Variants in SMAD7 observed in about 807,000 individuals in gnomAD.
SMAD7 encodes SMAD family member 7, also known as MAD (mothers against decapentaplegic, Drosophila) homolog 7.
SMAD7 carries 8 observed loss-of-function variants against 38.7 expected under a neutral mutation model. The observed-to-expected ratio is 0.21, with a 90% CI of 0.12 to 0.37. The LOEUF (loss-of-function observed/expected upper bound fraction) is 0.37, where lower values mean the gene tolerates loss of function less well. SMAD7 is among the 10% of genes least tolerant of loss of function. The probability of loss-of-function intolerance (pLI) is 1.00; values close to 1 mark genes in which losing one functional copy is unlikely to be tolerated. For synonymous variants in SMAD7, 327 were observed against 265.1 expected (o/e 1.23, Z -2.27); for missense variants, 477 against 577.9 (o/e 0.83, Z 1.79).
At chr18:48,946,431 G>GGGGGC in intron 2 of SMAD7, among the ~76,000 whole-genome samples, 1 of 95,978 alleles carries the variant, frequency 1.0e-5, no homozygotes, top group Middle Eastern at 4.4e-3. Flanking sequence ...TGAGGGGGGC[G>GGGGGC]GGGGGGGTGT....
chr18:48,935,719 C>A (rs559090657), intron 3 of SMAD7, among the ~76,000 whole-genome samples: 1 of 152,304 alleles, frequency 6.6e-6, no homozygotes, highest in Admixed American at 6.5e-5. Flanking sequence ...TCTCTCATTT[C>A]TGGAACCCAC....
chr18:48,947,531 C>T (rs77623437), intron 2 of SMAD7, among the ~76,000 whole-genome samples: 16,071 of 152,228 alleles, frequency 0.11, 1,029 homozygotes, highest in South Asian at 0.17. Context: ...GGCACAAAAA[C>T]CAAGGTTACA....
rs764363126 is a variant in SMAD7, at chr18:48,921,790, T to A, written c.863A>T (p.Tyr288Phe). The A allele has an allele frequency of 1.9e-5, 31 of 1,614,056 alleles. No individual in the cohort carries two copies. The South Asian group carries it at 3.4e-4, about 18-fold the overall frequency. Residue 288 changes from tyrosine to phenylalanine, a missense_variant, in exon 4 of 4, where the codon TAT becomes TTT. Around this residue, in one of 2 missense-constraint regions of SMAD7, gnomAD observed 101 missense variants for 198.5 expected, o/e 0.51. Transcript: ENST00000262158. This position sits in a 1 kb window ranked among gnomAD's most constrained non-coding sequence, Gnocchi z 6.4. ...AAAGCCATTCCCCTGAGGTAGATCA[T>A]AGAAGATATCCAGAGAGGGCTCCTG... ...CVQEPSLDIF[Y>F]DLPQGNGFCL...
At chr18:48,926,173 C>T (rs1185533056) in intron 3 of SMAD7, among the ~76,000 whole-genome samples, 1 of 152,212 alleles carries the variant, frequency 6.6e-6, no homozygotes, top group African/African-American at 2.4e-5. Flanking sequence ...GGCAGAGAGG[C>T]AGAGCAGCTC....
Position 48,949,796 on chromosome 18 carries a change from G to A in SMAD7, c.613+16C>T. 1 of 1,585,308 alleles carries A rather than the reference G, an allele frequency of 6.3e-7. No homozygotes were observed. The highest frequency in any genetic ancestry group is 2.3e-5 in the East Asian group (1 of 43,286). On this transcript the variant is annotated intron_variant, in intron 1 of 3. Coordinates refer to ENST00000262158, the MANE Select transcript of SMAD7 (RefSeq NM_005904.4). ...GCGCTCCGGAAAATGTTGGGGGTAG[G>A]GGGACAACTTCTCACCTAGTTCGCA...
chr18:48,945,988 C>T (rs1371676965), intron 2 of SMAD7, among the ~76,000 whole-genome samples: 2 of 152,202 alleles, frequency 1.3e-5, no homozygotes, highest in Admixed American at 1.3e-4. Context: ...GGTTGGACCA[C>T]ACAGTACCTA....
At chr18:48,932,975 C>A (rs191891818) in intron 3 of SMAD7, among the ~76,000 whole-genome samples, 1 of 152,114 alleles carries the variant, frequency 6.6e-6, no homozygotes, top group East Asian at 1.9e-4. Flanking sequence ...AGGAGCCTGG[C>A]GCTAGGCTGG....
chr18:48,944,508 T>A lies in SMAD7; in HGVS notation c.668-1953A>T, dbSNP rs377538148. 3.0e-4 allele frequency among the ~76,000 whole-genome samples: 46 copies of A among 152,334 alleles called. No individual in the cohort carries two copies. In the South Asian group the frequency reaches 9.3e-3, roughly 31 times the overall value. ...TAATTAAGCCTCCCTACCACCCCTG[T>A]GAAGAAGCAAAGTATACCTGTTCCA... is the stretch of plus-strand genomic sequence containing the variant. On this transcript the variant is annotated intron_variant, in intron 2 of 3. Coordinates refer to ENST00000262158, the MANE Select transcript of SMAD7 (RefSeq NM_005904.4).
intron 2 of SMAD7, among the ~76,000 whole-genome samples, chr18:48,948,088 A>C (rs1475803121): frequency 6.6e-6 from 1 of 152,222 alleles, no homozygotes; most frequent in African/African-American, 2.4e-5. Context: ...TTTGGTTCCC[A>C]AGACACTTCT....
Position 48,939,476 on chromosome 18 carries a change from C to T in SMAD7, c.742+3005G>A, listed in dbSNP as rs758683770. On this transcript the variant is annotated intron_variant, in intron 3 of 3. Coordinates refer to ENST00000262158, the MANE Select transcript of SMAD7 (RefSeq NM_005904.4). ...CCTACCCGCCCACTCCCCTTCCTCCCGGGCAGTTTGCAAGGGCGCAGGAAA... is the reference window on the plus strand; with the variant it reads ...CCTACCCGCCCACTCCCCTTCCTCCTGGGCAGTTTGCAAGGGCGCAGGAAA... 3.2e-4 allele frequency among the ~76,000 whole-genome samples: 48 copies of T among 151,808 alleles called. No individual in the cohort carries two copies. In the Middle Eastern group the frequency reaches 0.01, roughly 32 times the overall value.
intron 3 of SMAD7, among the ~76,000 whole-genome samples, chr18:48,940,008 G>A (rs2070118843): frequency 6.6e-6 from 1 of 152,096 alleles, no homozygotes; most frequent in Admixed American, 6.5e-5. Flanking sequence ...TCTCTGCCCT[G>A]GACAGGGGCC....
At chr18:48,929,127 T>A (rs914511600) in intron 3 of SMAD7, among the ~76,000 whole-genome samples, 6 of 152,176 alleles carry the variant, frequency 3.9e-5, no homozygotes, top group African/African-American at 1.4e-4. Flanking sequence ...CTGTTTAGTG[T>A]GCATGCAGTC....
Position 48,932,797 on chromosome 18 carries a change from A to G in SMAD7, c.742+9684T>C, listed in dbSNP as rs181587349. On this transcript the variant is annotated intron_variant, in intron 3 of 3. Transcript: ENST00000262158. ...CCCTCAGATTTAAAATTAAAAAGCA[A>G]GAATTTCCTTCATCCCCCAGATGGT... 2.6e-5 allele frequency among the ~76,000 whole-genome samples: 4 copies of G among 152,354 alleles called. No homozygotes were observed. The East Asian group carries it at 7.7e-4, about 29-fold the overall frequency.
Position 48,921,228 on chromosome 18 carries a change from GAGA to G in SMAD7, c.*141_*143del, listed in dbSNP as rs1043200023. ...AACAAAACAGAACACAAACGAGGAC[GAGA>G]AGAAGAAAACCAACCAACAAACAAA... On this transcript the variant is annotated 3_prime_UTR_variant, in exon 4 of 4. Transcript: ENST00000262158. This position sits in a 1 kb window ranked among gnomAD's most constrained non-coding sequence, Gnocchi z 6.4. 30 of 681,762 alleles carry G rather than the reference GAGA, an allele frequency of 4.4e-5. No homozygotes were observed. Among genetic ancestry groups the G allele is most frequent in the African/African-American group, 2.9e-4 (16 of 55,666 alleles). The allele number at this position is 681,762 out of a possible 1,614,324, so 42.2% of individuals were successfully genotyped here.
chr18:48,944,301 G>A (rs1288620176), intron 2 of SMAD7, among the ~76,000 whole-genome samples: 2 of 152,176 alleles, frequency 1.3e-5, no homozygotes, highest in Non-Finnish European at 2.9e-5. Flanking sequence ...GAATCCCAGG[G>A]GCAAGGTGTG....
chr18:48,948,105 A>G (rs1364752558), intron 2 of SMAD7, among the ~76,000 whole-genome samples: 1 of 152,198 alleles, frequency 6.6e-6, no homozygotes, highest in Non-Finnish European at 1.5e-5. Flanking sequence ...TTCTCTCTGG[A>G]CTAAAGCTTC....
chr18:48,925,847 C>T (rs1257053610), intron 3 of SMAD7, among the ~76,000 whole-genome samples: 3 of 151,962 alleles, frequency 2.0e-5, no homozygotes, highest in South Asian at 2.1e-4. Flanking sequence ...CCCGGGTTCA[C>T]GCCATTCTCC....
At chr18:48,942,403 G>T (rs2070150979) in intron 3 of SMAD7, 78 bp downstream of exon 3, 2 of 976,312 alleles carry the variant, frequency 2.0e-6, no homozygotes, top group Non-Finnish European at 3.1e-6. Flanking sequence ...GGTGGCAGAA[G>T]GCCACCCCCA....
chr18:48,933,091 G>A (rs554138261), intron 3 of SMAD7, among the ~76,000 whole-genome samples: 37 of 152,240 alleles, frequency 2.4e-4, no homozygotes, highest in African/African-American at 8.2e-4. Context: ...AGCAAGAAGC[G>A]GGGTGGGGAG....
Sources: gnomAD v4.1 joint callset for allele counts (sites outside exome capture counted in the v4.1 genomes callset) on GRCh38, gnomAD v4.1.1 for gene constraint, gnomAD v4.1.1 regional missense constraint, Gnocchi (gnomAD v3.1) non-coding constraint, MANE v1.5 for transcripts, NCBI Gene and HGNC (gene_info 2026-07-23, HGNC 2026-07-21) for gene names.